The following FAM193B variants were observed in gnomAD, a reference collection of about 807,000 sequenced individuals.
FAM193B encodes protein FAM193B.
Under a neutral mutation model 70.7 loss-of-function variants are expected in FAM193B, and 27 were observed. The observed-to-expected ratio is 0.38, with a 90% CI of 0.28 to 0.53. FAM193B has a LOEUF of 0.53. FAM193B is among the 20% of genes least tolerant of loss of function. The pLI, the probability that FAM193B is intolerant of heterozygous loss-of-function variation, is 0.81. For synonymous variants in FAM193B, 448 were observed against 436.0 expected (o/e 1.03, Z -0.34); for missense variants, 1,022 against 1,072.5 (o/e 0.95, Z 0.66).
intron 1 of FAM193B, among the ~76,000 whole-genome samples, chr5:177,539,981 T>C (rs1383513128): frequency 6.8e-6 from 1 of 147,882 alleles, no homozygotes; most frequent in East Asian, 1.9e-4. Flanking sequence ...ATTTGGACTT[T>C]TTTTTTTGCC....
chr5:177,529,214 T>A (rs2127458651), intron 5 of FAM193B, among the ~76,000 whole-genome samples: 1 of 150,914 alleles, frequency 6.6e-6, no homozygotes, highest in South Asian at 2.1e-4. Flanking sequence ...AGCCCATGAC[T>A]CTCTCACCTT....
chr5:177,554,524 G>GCCGCCA lies in FAM193B; in HGVS notation c.-67_-66insTGGCGG, dbSNP rs1766819868. 1.1e-6 allele frequency: 1 copy of GCCGCCA among 914,992 alleles called. No individual in the cohort carries two copies. Among genetic ancestry groups the GCCGCCA allele is most frequent in the Admixed American group, 6.0e-5 (1 of 16,684 alleles). The allele number at this position is 914,992 out of a possible 1,614,324, so 56.7% of individuals were successfully genotyped here. ...CGCCGCCGCCGCCGCCGCCGCCGCC[G>GCCGCCA]CCGCCGCTACCGCTCCCCTCACAGG... On this transcript the variant is annotated 5_prime_UTR_variant, in exon 1 of 9. Coordinates refer to ENST00000514747, the MANE Select transcript of FAM193B (RefSeq NM_001190946.3).
intron 1 of FAM193B, chr5:177,553,424 C>T: frequency 9.5e-7 from 1 of 1,054,436 alleles, no homozygotes; most frequent in Non-Finnish European, 1.2e-6. Context: ...CACCCAGCCC[C>T]GAGTGCCACA....
At chr5:177,526,059 C>T (rs991721692) in intron 5 of FAM193B, among the ~76,000 whole-genome samples, 2 of 152,172 alleles carry the variant, frequency 1.3e-5, no homozygotes, top group African/African-American at 4.8e-5. Flanking sequence ...GTACTTCCAG[C>T]TGATTTGGGA....
intron 1 of FAM193B, among the ~76,000 whole-genome samples, chr5:177,549,759 G>A (rs1765958360): frequency 6.6e-6 from 1 of 152,244 alleles, no homozygotes; most frequent in Admixed American, 6.5e-5. Flanking sequence ...TAAATGCCAT[G>A]TGAAATAAAA....
chr5:177,553,759 G>T, intron 1 of FAM193B: 2 of 1,287,778 alleles, frequency 1.6e-6, no homozygotes, highest in African/African-American at 3.0e-5. Flanking sequence ...ATGGCGAGGA[G>T]GCGCCAGGAG....
intron 3 of FAM193B, among the ~76,000 whole-genome samples, chr5:177,537,510 G>T (rs774812013): frequency 2.6e-5 from 4 of 152,186 alleles, no homozygotes; most frequent in Non-Finnish European, 4.4e-5. Context: ...CAAGGCCTAG[G>T]AAGACAAGGT....
intron 6 of FAM193B, 49 bp from the exon 7 acceptor site, chr5:177,524,081 G>T: frequency 2.5e-6 from 4 of 1,613,446 alleles, no homozygotes; most frequent in Non-Finnish European, 3.4e-6. Context: ...CAGGCCTTTG[G>T]GGTTATGCTC....
At chr5:177,535,631 TA>T (rs929923840) in intron 4 of FAM193B, among the ~76,000 whole-genome samples, 2 of 152,214 alleles carry the variant, frequency 1.3e-5, no homozygotes, top group African/African-American at 4.8e-5. Context: ...TATCCAGGAA[TA>T]GGGGAATGAT....
chr5:177,538,922 G>T lies in FAM193B; in HGVS notation c.436C>A (p.Arg146=). ...SMEEDERQTG[R]EHAVAISLSH... is the part of the protein sequence containing the mutation. The stretch of plus-strand genomic sequence containing the variant: ...TTACCTACCGCCACTGCATGTTCTC[G>T]ACCTGTCTGCCTTTCATCTTCCTCC... Residue 146 remains arginine, a synonymous_variant, in exon 2 of 9, where the codon CGA becomes AGA. Coordinates refer to ENST00000514747, the MANE Select transcript of FAM193B (RefSeq NM_001190946.3). The surrounding 1 kb of genome is among the most constrained non-coding windows in gnomAD (Gnocchi z 4.1). 1 of 1,613,996 alleles carries T rather than the reference G, an allele frequency of 6.2e-7. No individual in the cohort carries two copies. The highest frequency in any genetic ancestry group is 1.1e-5 in the South Asian group (1 of 91,040).
intron 1 of FAM193B, among the ~76,000 whole-genome samples, chr5:177,544,443 T>C (rs1160168708): frequency 6.6e-6 from 1 of 152,196 alleles, no homozygotes; most frequent in Non-Finnish European, 1.5e-5. Flanking sequence ...AAAGAATGAC[T>C]TACTATTTAG....
intron 1 of FAM193B, among the ~76,000 whole-genome samples, chr5:177,543,457 CCT>C (rs926163907): frequency 1.3e-5 from 2 of 152,242 alleles, no homozygotes; most frequent in African/African-American, 4.8e-5. Context: ...TATCCACTGT[CCT>C]CTCTGAGTTT....
At chr5:177,549,422 T>A (rs1765906959) in intron 1 of FAM193B, among the ~76,000 whole-genome samples, 1 of 152,122 alleles carries the variant, frequency 6.6e-6, no homozygotes, top group African/African-American at 2.4e-5. Context: ...CTCGATCTCC[T>A]GACCTCGTGA....
At chr5:177,525,890 G>C (rs1161864507) in intron 5 of FAM193B, among the ~76,000 whole-genome samples, 1 of 152,212 alleles carries the variant, frequency 6.6e-6, no homozygotes, top group Non-Finnish European at 1.5e-5. Context: ...CTGGATCTAG[G>C]GAATCAAAAT....
chr5:177,530,827 G>A (rs545278638), intron 5 of FAM193B, among the ~76,000 whole-genome samples: 3 of 152,270 alleles, frequency 2.0e-5, no homozygotes, highest in African/African-American at 4.8e-5. Context: ...TGAGGAGTCT[G>A]TACTCACAGT....
At position 177,538,965 on chromosome 5, in the gene FAM193B, C is replaced by G; in HGVS notation, c.393G>C (p.Gln131His). The G allele has an allele frequency of 6.2e-7, 1 of 1,614,062 alleles. No individual in the cohort carries two copies. The highest frequency in any genetic ancestry group is 8.5e-7 in the Non-Finnish European group (1 of 1,179,904). The change falls in exon 2 of 9, where the codon CAG becomes CAC. Residue 131 changes from glutamine to histidine, a missense_variant. Physicochemically the swap from Gln to His is conservative, Grantham distance 24. Coordinates refer to ENST00000514747, the MANE Select transcript of FAM193B (RefSeq NM_001190946.3). This position sits in a 1 kb window ranked among gnomAD's most constrained non-coding sequence, Gnocchi z 4.1. ...CTTCCTCCATGCTCTTTCGGCAACT[C>G]TGGCAGACCCACAGAGGCATCTCGC... ...LLGEMPLWVCQSCRKSMEEDE... is the reference protein window; with the variant it reads ...LLGEMPLWVCHSCRKSMEEDE...
At chr5:177,537,466 A>C (rs1020897340) in intron 3 of FAM193B, among the ~76,000 whole-genome samples, 1 of 152,206 alleles carries the variant, frequency 6.6e-6, no homozygotes, top group African/African-American at 2.4e-5. Flanking sequence ...ATTTAAATTC[A>C]GTGCTTTTAT....
chr5:177,542,676 G>C (rs1764988711), intron 1 of FAM193B, among the ~76,000 whole-genome samples: 1 of 152,158 alleles, frequency 6.6e-6, no homozygotes, highest in Admixed American at 6.5e-5. Context: ...TTTTTCCAAT[G>C]ACTAGCTGAG....
intron 1 of FAM193B, among the ~76,000 whole-genome samples, chr5:177,552,464 G>A (rs1766391534): frequency 6.6e-6 from 1 of 152,216 alleles, no homozygotes; most frequent in Non-Finnish European, 1.5e-5. Flanking sequence ...GCAAAGTTGT[G>A]TCCTTAATAA....
Sources: gnomAD v4.1 joint callset for allele counts (sites outside exome capture counted in the v4.1 genomes callset) on GRCh38, gnomAD v4.1.1 for gene constraint, Gnocchi (gnomAD v3.1) non-coding constraint, MANE v1.5 for transcripts, NCBI Gene and HGNC (gene_info 2026-07-23, HGNC 2026-07-21) for gene names.